Variants in MALRD1 observed in about 807,000 individuals in gnomAD.
The protein encoded by MALRD1 is MAM and LDL receptor class A domain containing 1.
A neutral mutation model predicts 242.1 loss-of-function variants in MALRD1; 247 were observed. The ratio of observed to expected loss-of-function variants is 1.02; its 90% CI spans 0.92 to 1.13. MALRD1 has a LOEUF of 1.13. MALRD1 is among the 50% of genes most tolerant of loss of function. MALRD1 has a pLI of 0.00. For synonymous variants in MALRD1, 995 were observed against 866.6 expected (o/e 1.15, Z -2.60); for missense variants, 2,989 against 2,533.1 (o/e 1.18, Z -3.86).
intron 31 of MALRD1, among the ~76,000 whole-genome samples, chr10:19,524,607 G>A (rs1834018609): frequency 6.6e-6 from 1 of 152,198 alleles, no homozygotes; most frequent in Admixed American, 6.5e-5. Context: ...TATGGAGGAT[G>A]CAGAGGCAGA....
intron 14 of MALRD1, among the ~76,000 whole-genome samples, chr10:19,197,175 G>C (rs1836302565): frequency 6.6e-6 from 1 of 152,038 alleles, no homozygotes; most frequent in Admixed American, 6.5e-5. Context: ...ACTATAACGA[G>C]AACAGCATGG....
At chr10:19,465,175 T>C (rs185560288) in intron 29 of MALRD1, among the ~76,000 whole-genome samples, 75 of 152,242 alleles carry the variant, frequency 4.9e-4, no homozygotes, top group Non-Finnish European at 7.6e-4. Flanking sequence ...TTTGACTTCC[T>C]CCTTACCAAT....
chr10:19,382,427 G>A (rs1348160201), intron 26 of MALRD1, among the ~76,000 whole-genome samples: 2 of 151,846 alleles, frequency 1.3e-5, no homozygotes, highest in Admixed American at 1.3e-4. Flanking sequence ...AGGAACGTTG[G>A]CATAAAAGTT....
chr10:19,151,181 TA>T (rs1202888633), intron 11 of MALRD1, among the ~76,000 whole-genome samples: 1 of 152,130 alleles, frequency 6.6e-6, no homozygotes, highest in Non-Finnish European at 1.5e-5. Context: ...CACTGAAAAA[TA>T]TTTTTTTCAA....
intron 28 of MALRD1, among the ~76,000 whole-genome samples, chr10:19,444,376 G>A (rs936850654): frequency 6.6e-6 from 1 of 152,088 alleles, no homozygotes; most frequent in African/African-American, 2.4e-5. Flanking sequence ...TATTTTGCTC[G>A]TTAGTTGATG....
intron 29 of MALRD1, among the ~76,000 whole-genome samples, chr10:19,454,405 G>GATAT (rs141643131): frequency 0.041 from 3,305 of 80,468 alleles, 309 homozygotes; most frequent in African/African-American, 0.16. Context: ...TTATGCATAT[G>GATAT]ATATATATAT....
chr10:19,730,881 T>C (rs566569497), intron 39 of MALRD1, 100 bp downstream of exon 39: 18 of 1,097,540 alleles, frequency 1.6e-5, no homozygotes, highest in Non-Finnish European at 2.1e-5. Context: ...ATCATGTTTC[T>C]ACATCATAAC....
intron 1 of MALRD1, among the ~76,000 whole-genome samples, chr10:19,064,060 G>C (rs1020562550): frequency 6.6e-6 from 1 of 152,046 alleles, no homozygotes; most frequent in African/African-American, 2.4e-5. Context: ...ATCTGACAAC[G>C]TGGAACCCAA....
At chr10:19,438,182 TA>T (rs199765332) in intron 28 of MALRD1, among the ~76,000 whole-genome samples, 1,689 of 152,180 alleles carry the variant, frequency 0.011, 27 homozygotes, top group Non-Finnish European at 0.012. Context: ...TTTCTTTTTT[TA>T]CTCTAGGTGT....
intron 28 of MALRD1, among the ~76,000 whole-genome samples, chr10:19,428,566 G>C (rs1406462091): frequency 2.0e-5 from 3 of 151,954 alleles, no homozygotes; most frequent in African/African-American, 7.3e-5. Flanking sequence ...TCCAGGTCCA[G>C]ATGCTCTCCA....
At chr10:19,325,791 T>C (rs1843100793) in intron 22 of MALRD1, among the ~76,000 whole-genome samples, 1 of 152,090 alleles carries the variant, frequency 6.6e-6, no homozygotes, top group African/African-American at 2.4e-5. Flanking sequence ...CTCTAGCATA[T>C]TTGCAACAAG....
intron 29 of MALRD1, among the ~76,000 whole-genome samples, chr10:19,452,154 A>G (rs931717038): frequency 4.6e-5 from 7 of 152,238 alleles, no homozygotes; most frequent in Non-Finnish European, 1.0e-4. Context: ...CTAAGATTTT[A>G]GAAAGAAAGC....
At chr10:19,512,065 C>A (rs1833424997) in intron 31 of MALRD1, among the ~76,000 whole-genome samples, 1 of 152,062 alleles carries the variant, frequency 6.6e-6, no homozygotes, top group South Asian at 2.1e-4. Context: ...AGTTTTGCTG[C>A]AGTATGATTG....
intron 32 of MALRD1, among the ~76,000 whole-genome samples, chr10:19,556,812 T>C (rs1471143090): frequency 6.6e-6 from 1 of 152,182 alleles, no homozygotes; most frequent in African/African-American, 2.4e-5. Context: ...TAAGAGTATG[T>C]TCAGTTTTGT....
intron 39 of MALRD1, among the ~76,000 whole-genome samples, chr10:19,731,348 T>A (rs1835288246): frequency 6.6e-6 from 1 of 152,290 alleles, no homozygotes; most frequent in Non-Finnish European, 1.5e-5. Context: ...TTTTAGATTT[T>A]TTATATTTTA....
chr10:19,697,255 A>C (rs1288443302), intron 38 of MALRD1, among the ~76,000 whole-genome samples: 2 of 152,118 alleles, frequency 1.3e-5, no homozygotes, highest in Admixed American at 6.5e-5. Context: ...TCCAAGTAAG[A>C]GTTGATGGTC....
chr10:19,621,408 A>G (rs1222017547), intron 36 of MALRD1, among the ~76,000 whole-genome samples: 2 of 150,536 alleles, frequency 1.3e-5, no homozygotes, highest in African/African-American at 4.8e-5. Context: ...AATTGGCTGG[A>G]TTAACTGAAT....
intron 12 of MALRD1, among the ~76,000 whole-genome samples, chr10:19,158,444 G>A (rs192707975): frequency 4.1e-4 from 63 of 152,306 alleles, no homozygotes; most frequent in African/African-American, 8.4e-4. Context: ...TGAAACCAGA[G>A]ATAGGTTGGA....
chr10:19,088,010 A>G lies in MALRD1; in HGVS notation c.436-14A>G. On this transcript the variant is annotated splice_polypyrimidine_tract_variant and intron_variant, in intron 3 of 39. Coordinates refer to ENST00000454679, the MANE Select transcript of MALRD1 (RefSeq NM_001142308.3). ...CTTTATCATAATTGTTTGGGTACTA[A>G]TTGTCTTTCACAGATTACATTTTAT... 8.1e-7 allele frequency: 1 copy of G among 1,233,396 alleles called. No homozygotes were observed. The highest frequency in any genetic ancestry group is 1.0e-6 in the Non-Finnish European group (1 of 987,804). The allele number at this position is 1,233,396 out of a possible 1,614,324, so 76.4% of individuals were successfully genotyped here.
Sources: gnomAD v4.1 joint callset for allele counts (sites outside exome capture counted in the v4.1 genomes callset) on GRCh38, gnomAD v4.1.1 for gene constraint, MANE v1.5 for transcripts, NCBI Gene and HGNC (gene_info 2026-07-23, HGNC 2026-07-21) for gene names.